Variants in NELL1 observed in about 807,000 individuals in gnomAD.
NELL1 encodes neural EGFL like 1.
A neutral mutation model predicts 107.4 loss-of-function variants in NELL1; 76 were observed. The ratio of observed to expected loss-of-function variants is 0.71; its 90% CI spans 0.59 to 0.86. NELL1 has a LOEUF of 0.86. Ranked by LOEUF, NELL1 falls within the 40% of genes least tolerant of loss-of-function variation. NELL1 has a pLI of 0.00. For missense variants in NELL1, 1,024 were observed against 1,005.5 expected, an observed-to-expected ratio of 1.02 and a Z score of -0.25; for synonymous variants, 353 against 341.2, an observed-to-expected ratio of 1.03 and a Z score of -0.38.
At chr11:21,231,745 C>T (rs980989297) in intron 14 of NELL1, among the ~76,000 whole-genome samples, 5 of 152,032 alleles carry the variant, frequency 3.3e-5, no homozygotes, top group South Asian at 4.2e-4. Flanking sequence ...TCCTGATGTC[C>T]GCAGACTGTG....
chr11:21,285,579 A>G (rs1271670192), intron 14 of NELL1, among the ~76,000 whole-genome samples: 2 of 152,180 alleles, frequency 1.3e-5, no homozygotes, highest in Non-Finnish European at 2.9e-5. Context: ...TCACACATGA[A>G]CATTTTTAGG....
intron 18 of NELL1, among the ~76,000 whole-genome samples, chr11:21,572,112 G>T (rs1047856843): frequency 6.7e-6 from 1 of 150,354 alleles, no homozygotes; most frequent in Non-Finnish European, 1.5e-5. Context: ...GACAAAAAAA[G>T]TCAATACAAC....
At chr11:21,435,494 T>A (rs1048812539) in intron 15 of NELL1, among the ~76,000 whole-genome samples, 11 of 129,166 alleles carry the variant, frequency 8.5e-5, no homozygotes, top group African/African-American at 3.1e-4. Context: ...TTTTTGTTTT[T>A]TGTTTTTTGT....
Position 21,055,842 on chromosome 11 carries a change from TA to T in NELL1, c.1301-57742del, listed in dbSNP as rs35668055. Among the ~76,000 whole-genome samples, 6 of 152,276 alleles carry T rather than the reference TA, an allele frequency of 3.9e-5. 1 individual carries two copies. The highest frequency in any genetic ancestry group is 1.4e-4 in the African/African-American group (6 of 41,568). On this transcript the variant is annotated intron_variant, in intron 12 of 19. Coordinates refer to ENST00000357134, the MANE Select transcript of NELL1 (RefSeq NM_006157.5). ...CCACAGAAGCTCAGTAAAAATCATT[TA>T]AAAATGCTTTTTTGGTTATTCAAAT...
At chr11:20,721,506 A>G (rs1207760529) in intron 2 of NELL1, among the ~76,000 whole-genome samples, 1 of 152,084 alleles carries the variant, frequency 6.6e-6, no homozygotes, top group Non-Finnish European at 1.5e-5. Context: ...GGAAAATAAG[A>G]AAGGTGAAGC....
At chr11:21,450,109 T>A (rs951727539) in intron 15 of NELL1, among the ~76,000 whole-genome samples, 1 of 152,230 alleles carries the variant, frequency 6.6e-6, no homozygotes, top group African/African-American at 2.4e-5. Flanking sequence ...AGCTTTAGGT[T>A]ACTTCTGAAA....
chr11:21,292,358 A>C (rs1378228060), intron 14 of NELL1, among the ~76,000 whole-genome samples: 1 of 152,200 alleles, frequency 6.6e-6, no homozygotes, highest in African/African-American at 2.4e-5. Context: ...ATACCTAGGA[A>C]TACAACTTAT....
intron 2 of NELL1, among the ~76,000 whole-genome samples, chr11:20,681,327 C>G (rs1411672353): frequency 1.3e-5 from 2 of 152,016 alleles, no homozygotes; most frequent in African/African-American, 4.8e-5. Flanking sequence ...CCTAAATATC[C>G]AAGTTTATTT....
chr11:21,285,245 C>G (rs935572943), intron 14 of NELL1, among the ~76,000 whole-genome samples: 1 of 152,226 alleles, frequency 6.6e-6, no homozygotes, highest in African/African-American at 2.4e-5. Context: ...CCCTTCTCTA[C>G]GATATTATAT....
At chr11:20,735,751 TG>T (rs1855748532) in intron 2 of NELL1, among the ~76,000 whole-genome samples, 1 of 152,192 alleles carries the variant, frequency 6.6e-6, no homozygotes, top group East Asian at 1.9e-4. Context: ...CAGCTGTTTA[TG>T]GGGTTAGATA....
chr11:20,979,866 C>T (rs944604290), intron 12 of NELL1, among the ~76,000 whole-genome samples: 12 of 152,060 alleles, frequency 7.9e-5, no homozygotes, highest in East Asian at 1.9e-4. Flanking sequence ...CTCCAGGGCA[C>T]GGTTTTGGAG....
intron 15 of NELL1, among the ~76,000 whole-genome samples, chr11:21,487,394 A>G (rs1854662225): frequency 6.6e-6 from 1 of 152,190 alleles, no homozygotes; most frequent in Non-Finnish European, 1.5e-5. Context: ...TCTTTCCCAG[A>G]GAAGCAAATG....
chr11:21,146,714 G>A (rs760286390), intron 13 of NELL1, among the ~76,000 whole-genome samples: 20 of 152,096 alleles, frequency 1.3e-4, no homozygotes, highest in Non-Finnish European at 1.8e-4. Flanking sequence ...TAAACAGAAC[G>A]GGAAGAAAAT....
At chr11:20,790,790 A>G (rs977784399) in intron 3 of NELL1, among the ~76,000 whole-genome samples, 2 of 152,162 alleles carry the variant, frequency 1.3e-5, no homozygotes, top group East Asian at 3.9e-4. Context: ...TTCTACCCCA[A>G]CTTGGAAGGG....
chr11:20,837,919 CAAG>C (rs1364673023), intron 3 of NELL1, among the ~76,000 whole-genome samples: 18 of 152,038 alleles, frequency 1.2e-4, no homozygotes, highest in African/African-American at 4.3e-4. Context: ...ATTCCATCCT[CAAG>C]GAGGTGGAAT....
At chr11:20,774,945 CA>C (rs143233612) in intron 2 of NELL1, among the ~76,000 whole-genome samples, 24 of 145,776 alleles carry the variant, frequency 1.6e-4, no homozygotes, top group African/African-American at 5.5e-4. Context: ...CAGTTATTGC[CA>C]AAAAAAAAGA....
intron 15 of NELL1, among the ~76,000 whole-genome samples, chr11:21,500,745 C>T (rs1855117516): frequency 1.3e-5 from 2 of 152,068 alleles, no homozygotes; most frequent in South Asian, 2.1e-4. Context: ...TTTACAAACC[C>T]TTCGTAAAGT....
intron 13 of NELL1, among the ~76,000 whole-genome samples, chr11:21,180,438 A>T (rs2133823159): frequency 6.6e-6 from 1 of 151,922 alleles, no homozygotes; most frequent in Middle Eastern, 3.4e-3. Flanking sequence ...TTACACAGAG[A>T]TTCTCTTTTG....
chr11:21,322,563 T>C (rs1565167200), intron 14 of NELL1, among the ~76,000 whole-genome samples: 1 of 152,148 alleles, frequency 6.6e-6, no homozygotes, highest in Non-Finnish European at 1.5e-5. Flanking sequence ...TATAAAATGC[T>C]ATTACTTATA....
Sources: gnomAD v4.1 joint callset for allele counts (sites outside exome capture counted in the v4.1 genomes callset) on GRCh38, gnomAD v4.1.1 for gene constraint, MANE v1.5 for transcripts, NCBI Gene and HGNC (gene_info 2026-07-23, HGNC 2026-07-21) for gene names.